CSF2RA: variants seen among roughly 807,000 people sequenced by gnomAD.
The protein encoded by CSF2RA is colony stimulating factor 2 receptor subunit alpha.
CSF2RA carries 42 observed loss-of-function variants against 51.6 expected under a neutral mutation model. The observed-to-expected ratio is 0.81, with a 90% confidence interval of 0.64 to 1.05. CSF2RA has a LOEUF of 1.05. Ranked by LOEUF, CSF2RA falls within the 50% of genes least tolerant of loss-of-function variation. The pLI is 0.00. For missense variants in CSF2RA, 530 were observed against 501.1 expected, an observed-to-expected ratio of 1.06 and a Z score of -0.55; for synonymous variants, 222 against 193.0, an observed-to-expected ratio of 1.15 and a Z score of -1.24.
intron 2 of CSF2RA, among the ~76,000 whole-genome samples, chrX:1,277,698 C>A (rs1350202639): frequency 6.6e-6 from 1 of 151,090 alleles, no homozygotes; most frequent in African/African-American, 2.4e-5. Flanking sequence ...CTCCAGAGGC[C>A]GGGCGCAGTG....
chrX:1,314,470 C>T (rs1330204651), downstream of CSF2RA, among the ~76,000 whole-genome samples: 36 of 145,896 alleles, frequency 2.5e-4, no homozygotes, highest in African/African-American at 7.5e-4. Context: ...CCTGCCCAAC[C>T]CCAATGCACC....
At chrX:1,311,689 C>T (rs1313549641), downstream of CSF2RA, among the ~76,000 whole-genome samples, 3 of 152,280 alleles carry the variant, frequency 2.0e-5, no homozygotes, top group Middle Eastern at 6.8e-3. Context: ...GATCCGCCCC[C>T]CTTGGCGTCT....
rs2083284514 is a variant in CSF2RA, at chrX:1,304,035, C to T, written c.1043+16C>T. ...TCTTTAAAAGGTAACCTGTGAAACA[C>T]CTGGGCCTCCCCAATGAAAACAGGC... On this transcript the variant is annotated intron_variant, in intron 11 of 12. Transcript: ENST00000381529. 1 of 1,601,736 alleles carries T rather than the reference C, an allele frequency of 6.2e-7. No individual in the cohort carries two copies. Among genetic ancestry groups the T allele is most frequent in the African/African-American group, 1.4e-5 (1 of 73,944 alleles).
chrX:1,290,071 A>G, intron 6 of CSF2RA, among the ~76,000 whole-genome samples: 1 of 58,342 alleles, frequency 1.7e-5, no homozygotes, highest in Non-Finnish European at 3.6e-5. Context: ...TGTGTTTTTG[A>G]TTTGTGTTTT....
chrX:1,319,185 A>G, the CSF2RA span, among the ~76,000 whole-genome samples: 4,463 of 148,924 alleles, frequency 0.03, 243 homozygotes, highest in African/African-American at 0.1. Flanking sequence ...TAGTAAAGAC[A>G]GGGTTTCACC....
In CSF2RA at chrX:1,309,536, T is replaced by G; in HGVS notation, c.*57T>G. 6.2e-7 allele frequency: 1 copy of G among 1,613,992 alleles called. No homozygotes were observed. The highest frequency in any genetic ancestry group is 8.5e-7 in the Non-Finnish European group (1 of 1,179,862). On this transcript the variant is annotated 3_prime_UTR_variant, in exon 13 of 13. Coordinates refer to ENST00000381529, the MANE Select transcript of CSF2RA (RefSeq NM_172245.4). ...CTCCGCCTCCGCGACACGGGGGAAC[T>G]GTTTTCTTGATGATGCTGTGAACCT...
At chrX:1,309,160 C>G (rs1278698702) in intron 12 of CSF2RA, among the ~76,000 whole-genome samples, 3 of 151,702 alleles carry the variant, frequency 2.0e-5, no homozygotes, top group Non-Finnish European at 4.4e-5. Context: ...TGGGCCTCAT[C>G]TGATCAGTCA....
intron 9 of CSF2RA, among the ~76,000 whole-genome samples, chrX:1,299,768 C>T (rs1420788043): frequency 3.3e-5 from 5 of 151,810 alleles, no homozygotes; most frequent in East Asian, 1.9e-4. Flanking sequence ...AAATACAAAA[C>T]GTACCCATGC....
chrX:1,286,159 C>A (rs1195500130), intron 4 of CSF2RA, among the ~76,000 whole-genome samples: 1 of 151,980 alleles, frequency 6.6e-6, no homozygotes, highest in Non-Finnish European at 1.5e-5. Context: ...GTAGTCCCAG[C>A]TACTCAGGAG....
At chrX:1,274,905 C>T (rs755427657) in intron 2 of CSF2RA, 87 bp downstream of exon 2, 2 of 451,014 alleles carry the variant, frequency 4.4e-6, no homozygotes, top group Non-Finnish European at 8.9e-6. Context: ...TGTTTTGCTC[C>T]ATAATGATGA....
chrX:1,317,495 C>T, the CSF2RA span, among the ~76,000 whole-genome samples: 5 of 151,478 alleles, frequency 3.3e-5, no homozygotes, highest in Non-Finnish European at 7.4e-5. Flanking sequence ...AGGTGATCTG[C>T]CCGCCTCGGC....
At chrX:1,317,376 C>T in the CSF2RA span, among the ~76,000 whole-genome samples, 121 of 148,982 alleles carry the variant, frequency 8.1e-4, no homozygotes, top group Middle Eastern at 6.9e-3. Context: ...CTCAGCCTCC[C>T]GAGTAGCTGG....
chrX:1,286,044 G>C, intron 4 of CSF2RA, 124 bp downstream of exon 4: 1 of 1,014,598 alleles, frequency 9.9e-7, no homozygotes, highest in Non-Finnish European at 1.6e-6. Context: ...AGGCTGAGGT[G>C]GGCGGATCAC....
At chrX:1,292,362 A>G (rs2091487668) in intron 7 of CSF2RA, among the ~76,000 whole-genome samples, 1 of 152,190 alleles carries the variant, frequency 6.6e-6, no homozygotes, top group African/African-American at 2.4e-5. Flanking sequence ...AAGAAATAAG[A>G]CACAGAGACA....
At chrX:1,280,916 C>CCTCCTCCTCCTGCTCCTT (rs1569494332) in intron 2 of CSF2RA, among the ~76,000 whole-genome samples, 1 of 132,110 alleles carries the variant, frequency 7.6e-6, no homozygotes, top group East Asian at 2.4e-4. Flanking sequence ...TCCTTCTCCT[C>CCTCCTCCTCCTGCTCCTT]CTCCTCCTCC....
chrX:1,316,974 T>A, the CSF2RA span, among the ~76,000 whole-genome samples: 1 of 152,124 alleles, frequency 6.6e-6, no homozygotes, highest in African/African-American at 2.4e-5. Context: ...TGAGACGGAC[T>A]CTCACTCTGT....
chrX:1,283,155 GTTCCTTCCTTCGTTCCTTCC>G (rs771602106), intron 3 of CSF2RA, among the ~76,000 whole-genome samples: 13,552 of 68,054 alleles, frequency 0.2, 856 homozygotes, highest in Admixed American at 0.3. Flanking sequence ...TCCTTCCTTC[GTTCCTTCCTTCGTTCCTTCC>G]TTCCTTCCTT....
the CSF2RA span, among the ~76,000 whole-genome samples, chrX:1,324,052 G>C: frequency 6.6e-6 from 1 of 151,900 alleles, no homozygotes; most frequent in African/African-American, 2.4e-5. Context: ...GGACATGGTA[G>C]CATGTTCCTG....
chrX:1,315,870 A>G, the CSF2RA span, among the ~76,000 whole-genome samples: 170 of 143,242 alleles, frequency 1.2e-3, 1 homozygote, highest in Non-Finnish European at 2.1e-3. Flanking sequence ...ATGAATGGAT[A>G]GATGACAGAT....
Sources: gnomAD v4.1 joint callset for allele counts (sites outside exome capture counted in the v4.1 genomes callset) on GRCh38, gnomAD v4.1.1 for gene constraint, MANE v1.5 for transcripts, NCBI Gene and HGNC (gene_info 2026-07-23, HGNC 2026-07-21) for gene names.